Variants in LRRN1 observed in about 807,000 individuals in gnomAD.
LRRN1 encodes leucine-rich repeat neuronal protein 1.
LRRN1 carries 14 observed loss-of-function variants against 45.8 expected under a neutral mutation model. That is an observed-to-expected ratio of 0.31 (90% CI 0.20 to 0.48). The LOEUF is 0.48. LRRN1 is among the 20% of genes least tolerant of loss of function. The probability of loss-of-function intolerance (pLI) is 0.99; values close to 1 mark genes in which losing one functional copy is unlikely to be tolerated. For missense variants in LRRN1, 789 were observed against 874.2 expected (o/e 0.90, Z 1.23); for synonymous variants, 359 against 330.1 (o/e 1.09, Z -0.95).
At position 3,847,675 on chromosome 3, in the gene LRRN1, T is replaced by G. The variant is rs1693807351; in HGVS notation, c.*883T>G. The stretch of plus-strand genomic sequence containing the variant: ...TTGCTAGTTGCAGTGGTAATATTTT[T>G]CACATCCATAAAAACAACTACCAAA... On this transcript the variant is annotated 3_prime_UTR_variant, in exon 2 of 2. Transcript: ENST00000319331. 6.0e-6 allele frequency: 1 copy of G among 166,898 alleles called. No individual in the cohort carries two copies. The highest frequency in any genetic ancestry group is 1.5e-5 in the Non-Finnish European group (1 of 68,120). The allele number at this position is 166,898 out of a possible 1,614,324, so 10.3% of individuals were successfully genotyped here.
rs139492205 is a variant in LRRN1 at position 3,846,498 on chromosome 3, C to G, written c.1857C>G (p.Phe619Leu). 3.7e-6 allele frequency: 6 copies of G among 1,614,042 alleles called. No individual in the cohort carries two copies. The highest frequency in any genetic ancestry group is 1.3e-5 in the African/African-American group (1 of 74,924). Residue 619 changes from phenylalanine (F) to leucine (L), a missense_variant, in exon 2 of 2, where the codon TTC becomes TTG. Physicochemically the swap from Phe to Leu is conservative, Grantham distance 22 (BLOSUM62 0). Coordinates refer to ENST00000319331, the MANE Select transcript of LRRN1 (RefSeq NM_020873.7). This position sits in a 1 kb window ranked among gnomAD's most constrained non-coding sequence, Gnocchi z 5.7. ...ATGTCACAACCAAAAATGCCGCCTT[C>G]GCAGTGGACATCTCTGATCAAGAAA... is the stretch of plus-strand genomic sequence containing the variant. ...CVNVTTKNAAFAVDISDQETS... is the reference protein window; with the variant it reads ...CVNVTTKNAALAVDISDQETS...
Position 3,834,529 on chromosome 3 carries a change from T to TATATATATATATATATC in LRRN1, c.-278-9819_-278-9818insCATATATATATATATAT, listed in dbSNP as rs1553563072. Reference sequence around the variant, plus strand: ...TCTCTTAGAGGGACAGAACAGGATATATATATATATATATATATATATATG... The same window carrying TATATATATATATATATC: ...TCTCTTAGAGGGACAGAACAGGATATATATATATATATATATCATATATATATATATATATATATATG... On this transcript the variant is annotated intron_variant, in intron 1 of 1. Coordinates refer to ENST00000319331, the MANE Select transcript of LRRN1 (RefSeq NM_020873.7). Among the ~76,000 whole-genome samples, 8 of 97,098 alleles carry TATATATATATATATATC rather than the reference T, an allele frequency of 8.2e-5. 1 individual carries two copies. Among genetic ancestry groups the TATATATATATATATATC allele is most frequent in the Non-Finnish European group, 1.3e-4 (6 of 47,114 alleles). The allele number at this position is 97,098 out of a possible 152,430, so 63.7% of individuals were successfully genotyped here. A position where few individuals can be genotyped will look rare whatever the true frequency, so the allele number is the denominator to read the frequency against.
At position 3,806,756 on chromosome 3, in the gene LRRN1, A is replaced by C. The variant is rs377091290; in HGVS notation, c.-279+6837A>C. On this transcript the variant is annotated intron_variant, in intron 1 of 1. Transcript: ENST00000319331. ...TCATTTGACCTATAACATCCTGAGA[A>C]ACCAAATGTGATTGTTCTTTCTCCT... Among the ~76,000 whole-genome samples the C allele has an allele frequency of 7.8e-4, 119 of 152,346 alleles. 3 individuals are homozygous for C. In the South Asian group the frequency reaches 0.024, roughly 31 times the overall value.
intron 1 of LRRN1, among the ~76,000 whole-genome samples, chr3:3,819,674 C>G (rs751748728): frequency 1.3e-5 from 2 of 152,168 alleles, no homozygotes; most frequent in Non-Finnish European, 2.9e-5. Context: ...CTCCAGTAGT[C>G]TACTCCTCAT....
In LRRN1 at chr3:3,834,604, TATATA is replaced by T. The variant is rs200950711; in HGVS notation, c.-278-9754_-278-9750del. Among the ~76,000 whole-genome samples the T allele has an allele frequency of 7.4e-3, 1,006 of 136,170 alleles. 11 individuals are homozygous for T. The highest frequency in any genetic ancestry group is 0.026 in the African/African-American group (954 of 36,756). The allele number at this position is 136,170 out of a possible 152,430, so 89.3% of individuals were successfully genotyped here. A position where few individuals can be genotyped will look rare whatever the true frequency, so the allele number is the denominator to read the frequency against. The stretch of plus-strand genomic sequence containing the variant: ...TATATCATATTTTATATACATTATA[TATATA>T]ATATATGTAAAGGAGAGTTTATTAA... On this transcript the variant is annotated intron_variant, in intron 1 of 1. Transcript: ENST00000319331.
intron 1 of LRRN1, among the ~76,000 whole-genome samples, chr3:3,818,020 G>A (rs1241888956): frequency 6.6e-6 from 1 of 152,216 alleles, no homozygotes; most frequent in South Asian, 2.1e-4. Context: ...CCACAGTGAC[G>A]AGTCTATTTT....
chr3:3,832,215 C>A (rs1170636804), intron 1 of LRRN1, among the ~76,000 whole-genome samples: 4 of 152,208 alleles, frequency 2.6e-5, no homozygotes, highest in Non-Finnish European at 4.4e-5. Flanking sequence ...CTAATCTCTG[C>A]AATTGCTCCA....
Position 3,816,782 on chromosome 3 carries a change from G to A in LRRN1, c.-279+16863G>A, listed in dbSNP as rs1218286029. Reference sequence around the variant, plus strand: ...CTTTCTTCTACGTGTCTAAAAGAAGGCTGCAATGTACTCTTGGGGTCCAAT... The same window carrying A: ...CTTTCTTCTACGTGTCTAAAAGAAGACTGCAATGTACTCTTGGGGTCCAAT... On this transcript the variant is annotated intron_variant, in intron 1 of 1. Transcript: ENST00000319331. The surrounding 1 kb of genome is among the most constrained non-coding windows in gnomAD (Gnocchi z 4.0). Among the ~76,000 whole-genome samples the A allele has an allele frequency of 6.6e-6, 1 of 152,114 alleles. No homozygotes were observed. The highest frequency in any genetic ancestry group is 1.5e-5 in the Non-Finnish European group (1 of 68,016).
intron 1 of LRRN1, among the ~76,000 whole-genome samples, chr3:3,834,270 T>C (rs554248643): frequency 6.6e-6 from 1 of 152,040 alleles, no homozygotes; most frequent in East Asian, 1.9e-4. Context: ...TCCTTGCCTC[T>C]TACAAGCAGT....
chr3:3,828,364 T>C (rs1445072614), intron 1 of LRRN1, among the ~76,000 whole-genome samples: 1 of 151,528 alleles, frequency 6.6e-6, no homozygotes, highest in Non-Finnish European at 1.5e-5. Flanking sequence ...GCTAGACCCG[T>C]CTCTCTTTTT....
rs1041886185 is a variant in LRRN1, at chr3:3,799,460, C to G, written c.-738C>G. On this transcript the variant is annotated 5_prime_UTR_variant, in exon 1 of 2. Transcript: ENST00000319331. ...ACAAAGCGGGGCGCACCGCGGGCGCCGGCAACGAGCCGGTGAACGAGGCGA... is the reference window on the plus strand; with the variant it reads ...ACAAAGCGGGGCGCACCGCGGGCGCGGGCAACGAGCCGGTGAACGAGGCGA... The G allele has an allele frequency of 4.6e-5, 7 of 151,874 alleles. No homozygotes were observed. The highest frequency in any genetic ancestry group is 8.8e-5 in the Non-Finnish European group (6 of 67,926). The allele number at this position is 151,874 out of a possible 1,614,324, so 9.4% of individuals were successfully genotyped here. A position where few individuals can be genotyped will look rare whatever the true frequency, so the allele number is the denominator to read the frequency against.
intron 1 of LRRN1, among the ~76,000 whole-genome samples, chr3:3,825,382 C>T (rs1168541943): frequency 6.6e-6 from 1 of 152,160 alleles, no homozygotes; most frequent in South Asian, 2.1e-4. Flanking sequence ...TTGCCCTTGC[C>T]TGAAAGAGGA....
chr3:3,838,729 A>C (rs1445761318), intron 1 of LRRN1, among the ~76,000 whole-genome samples: 1 of 152,130 alleles, frequency 6.6e-6, no homozygotes, highest in Non-Finnish European at 1.5e-5. Flanking sequence ...AATGAGTATG[A>C]GGTGATATTT....
intron 1 of LRRN1, among the ~76,000 whole-genome samples, chr3:3,818,074 T>C (rs572621662): frequency 2.0e-5 from 3 of 152,316 alleles, no homozygotes; most frequent in African/African-American, 4.8e-5. Flanking sequence ...TCCGGAACCA[T>C]TGTAGCAACC....
In LRRN1 at chr3:3,849,272, C is replaced by T. The variant is rs1693842111; in HGVS notation, c.*2480C>T. Among the ~76,000 whole-genome samples the T allele has an allele frequency of 1.3e-5, 2 of 152,086 alleles. No individual in the cohort carries two copies. Among genetic ancestry groups the T allele is most frequent in the Non-Finnish European group, 2.9e-5 (2 of 68,020 alleles). On this transcript the variant is annotated 3_prime_UTR_variant, in exon 2 of 2. Transcript: ENST00000319331. ...TCCATTCTGAAGATATAGCAAGCAC[C>T]GGGAAATCTAAGATTTTTCATCAAC...
intron 1 of LRRN1, among the ~76,000 whole-genome samples, chr3:3,843,758 A>G (rs1693696303): frequency 6.6e-6 from 1 of 152,226 alleles, no homozygotes; most frequent in Admixed American, 6.5e-5. Context: ...TTGCATAGGA[A>G]TAACTGAGCT....
At chr3:3,831,299 ACC>A (rs1310724032) in intron 1 of LRRN1, among the ~76,000 whole-genome samples, 2 of 152,104 alleles carry the variant, frequency 1.3e-5, no homozygotes, top group Non-Finnish European at 2.9e-5. Context: ...GGAGTATCTC[ACC>A]AGGCCCCACA....
intron 1 of LRRN1, among the ~76,000 whole-genome samples, chr3:3,804,720 G>A (rs920162660): frequency 1.3e-5 from 2 of 152,150 alleles, no homozygotes; most frequent in African/African-American, 4.8e-5. Flanking sequence ...CTCCACAGCT[G>A]TCCCCTCATT....
chr3:3,827,180 G>A (rs1037499382), intron 1 of LRRN1: 2 of 224,586 alleles, frequency 8.9e-6, no homozygotes, highest in African/African-American at 4.5e-5. Flanking sequence ...TTATAAAGCA[G>A]GTTTTATAAT....
Sources: gnomAD v4.1 joint callset for allele counts (sites outside exome capture counted in the v4.1 genomes callset) on GRCh38, gnomAD v4.1.1 for gene constraint, Gnocchi (gnomAD v3.1) non-coding constraint, MANE v1.5 for transcripts, NCBI Gene and HGNC (gene_info 2026-07-23, HGNC 2026-07-21) for gene names.